RIN2: variants seen among roughly 807,000 people sequenced by gnomAD.
RIN2 encodes the protein RAB5 interacting protein 2.
RIN2 carries 36 observed loss-of-function variants against 78.0 expected under a neutral mutation model. The observed-to-expected ratio is 0.46, with a 90% CI of 0.35 to 0.61. The LOEUF (loss-of-function observed/expected upper bound fraction) is 0.61, where lower values mean the gene tolerates loss of function less well. RIN2 is among the 20% of genes least tolerant of loss of function. RIN2 has a pLI of 0.00. For synonymous variants in RIN2, 466 were observed against 466.8 expected (o/e 1.00, Z 0.02); for missense variants, 1,087 against 1,159.7 (o/e 0.94, Z 0.91).
At chr20:19,788,107 T>C (rs890994692) in intron 1 of RIN2, among the ~76,000 whole-genome samples, 1 of 152,188 alleles carries the variant, frequency 6.6e-6, no homozygotes, top group Non-Finnish European at 1.5e-5. Context: ...ACAAAGGGTA[T>C]GTGCAAGCCA....
chr20:19,967,014 G>A (rs578236253), intron 7 of RIN2, among the ~76,000 whole-genome samples: 1 of 152,242 alleles, frequency 6.6e-6, no homozygotes, highest in South Asian at 2.1e-4. Context: ...ATGCTAACAC[G>A]TTGGCCAGGG....
At chr20:19,823,934 T>C in intron 2 of RIN2, 1 of 1,550,646 alleles carries the variant, frequency 6.4e-7, no homozygotes, top group Non-Finnish European at 8.8e-7. Context: ...GGGTCGAACT[T>C]CGGCAGCATG....
intron 6 of RIN2, among the ~76,000 whole-genome samples, chr20:19,961,677 A>G (rs936629817): frequency 5.3e-5 from 8 of 152,186 alleles, no homozygotes; most frequent in Non-Finnish European, 1.0e-4. Context: ...CCGGGAGGGC[A>G]CAATCTTGCT....
In RIN2 at chr20:19,938,137, T is replaced by A. The variant is rs552285720; in HGVS notation, c.158+2938T>A. ...CTGCCCCCAGTGCCCTGGCTGGTTC[T>A]TCTTTATCTCCCTGAACTCCAGCCC... On this transcript the variant is annotated intron_variant, in intron 4 of 12. Coordinates refer to ENST00000255006, the MANE Select transcript of RIN2 (RefSeq NM_018993.4). Among the ~76,000 whole-genome samples, 45 of 152,336 alleles carry A rather than the reference T, an allele frequency of 3.0e-4. No individual in the cohort carries two copies. The South Asian group carries it at 8.7e-3, about 29-fold the overall frequency.
intron 2 of RIN2, among the ~76,000 whole-genome samples, chr20:19,861,746 C>CGATGATCACCCTCCATATCT (rs1568551956): frequency 1.5e-5 from 2 of 131,044 alleles, no homozygotes; most frequent in East Asian, 2.3e-4. Flanking sequence ...CCTCCATATC[C>CGATGATCACCCTCCATATCT]GATGATCACC....
chr20:19,829,463 G>T (rs1600555930), intron 2 of RIN2, among the ~76,000 whole-genome samples: 1 of 152,158 alleles, frequency 6.6e-6, no homozygotes, highest in Non-Finnish European at 1.5e-5. Flanking sequence ...GAGTGAGGAG[G>T]GTGGGAAGAA....
At chr20:19,868,173 A>G (rs2037566153) in intron 2 of RIN2, among the ~76,000 whole-genome samples, 1 of 152,240 alleles carries the variant, frequency 6.6e-6, no homozygotes, top group Non-Finnish European at 1.5e-5. Context: ...CAACTTTCCC[A>G]TATAAAATGA....
chr20:19,780,737 CT>C (rs921100051), intron 1 of RIN2, among the ~76,000 whole-genome samples: 11 of 152,286 alleles, frequency 7.2e-5, no homozygotes, highest in Admixed American at 5.2e-4. Flanking sequence ...TCTGGGCAAA[CT>C]AATTAACCTC....
chr20:19,956,914 A>T, intron 5 of RIN2, 107 bp downstream of exon 5: 1 of 953,256 alleles, frequency 1.0e-6, no homozygotes, highest in Non-Finnish European at 1.5e-6. Context: ...GCTTGTAAGG[A>T]GCATGTCTCT....
chr20:19,818,148 C>G (rs1162154247), intron 2 of RIN2, among the ~76,000 whole-genome samples: 2 of 151,976 alleles, frequency 1.3e-5, no homozygotes, highest in African/African-American at 4.8e-5. Context: ...AAAATAAGTA[C>G]TAAACATATT....
At chr20:19,819,834 G>A (rs2035877932) in intron 2 of RIN2, among the ~76,000 whole-genome samples, 1 of 152,148 alleles carries the variant, frequency 6.6e-6, no homozygotes, top group Non-Finnish European at 1.5e-5. Flanking sequence ...ACACCCAGCT[G>A]AAAATATACT....
chr20:19,932,391 T>C (rs757547516), intron 3 of RIN2, among the ~76,000 whole-genome samples: 24 of 152,198 alleles, frequency 1.6e-4, no homozygotes, highest in Non-Finnish European at 3.4e-4. Context: ...TATTCTGTTA[T>C]AGCAACAGGA....
chr20:19,841,524 G>A (rs1254527720), intron 2 of RIN2, among the ~76,000 whole-genome samples: 3 of 152,128 alleles, frequency 2.0e-5, no homozygotes, highest in African/African-American at 7.2e-5. Context: ...AAGTGTTCAT[G>A]TTTATTTGGG....
At chr20:19,828,690 AAT>A (rs1008068443) in intron 2 of RIN2, among the ~76,000 whole-genome samples, 1 of 152,222 alleles carries the variant, frequency 6.6e-6, no homozygotes, top group African/African-American at 2.4e-5. Flanking sequence ...GAAAAGAAAA[AAT>A]ATGTTTCTTA....
intron 2 of RIN2, among the ~76,000 whole-genome samples, chr20:19,856,551 G>A (rs895510897): frequency 6.7e-6 from 1 of 149,344 alleles, no homozygotes; most frequent in African/African-American, 2.5e-5. Flanking sequence ...AAAAAAGAGA[G>A]AGGGAGAGAA....
intron 2 of RIN2, among the ~76,000 whole-genome samples, chr20:19,820,708 C>CT (rs2035901038): frequency 6.6e-6 from 1 of 152,152 alleles, no homozygotes; most frequent in Non-Finnish European, 1.5e-5. Flanking sequence ...CTGGGGTTCT[C>CT]TAACTTTCCC....
At chr20:19,921,638 A>G (rs2039926565) in intron 3 of RIN2, among the ~76,000 whole-genome samples, 1 of 152,160 alleles carries the variant, frequency 6.6e-6, no homozygotes, top group Non-Finnish European at 1.5e-5. Context: ...GAACCCACCG[A>G]GCGGCGCCAA....
chr20:19,890,583 A>C (rs759406501), intron 3 of RIN2, among the ~76,000 whole-genome samples: 3 of 144,286 alleles, frequency 2.1e-5, no homozygotes, highest in Non-Finnish European at 4.5e-5. Flanking sequence ...ACAATTAACC[A>C]ACCTTTATGG....
intron 2 of RIN2, among the ~76,000 whole-genome samples, chr20:19,842,026 AAAG>A (rs2036592689): frequency 6.6e-6 from 1 of 152,202 alleles, no homozygotes; most frequent in African/African-American, 2.4e-5. Flanking sequence ...TCAAAACATC[AAAG>A]AACAGGCTGA....
Sources: gnomAD v4.1 joint callset for allele counts (sites outside exome capture counted in the v4.1 genomes callset) on GRCh38, gnomAD v4.1.1 for gene constraint, MANE v1.5 for transcripts, NCBI Gene and HGNC (gene_info 2026-07-23, HGNC 2026-07-21) for gene names.